Variants in TNIP3 observed in about 807,000 individuals in gnomAD.
TNIP3 encodes the protein TNFAIP3 interacting protein 3, also known as TNFAIP3-interacting protein 3.
Under a neutral mutation model 54.1 loss-of-function variants are expected in TNIP3, and 34 were observed. The ratio of observed to expected loss-of-function variants is 0.63; its 90% CI spans 0.48 to 0.84. TNIP3 has a LOEUF of 0.84. Among genes scored for constraint, TNIP3 ranks in the 40% least tolerant of loss-of-function variants. The pLI is 0.00. For synonymous variants in TNIP3, 134 were observed against 136.8 expected (o/e 0.98, Z 0.14); for missense variants, 366 against 387.6 (o/e 0.94, Z 0.47).
chr4:121,222,461 A>G (rs1307262740), intron 1 of TNIP3, among the ~76,000 whole-genome samples: 1 of 152,170 alleles, frequency 6.6e-6, no homozygotes, highest in Non-Finnish European at 1.5e-5. Context: ...TGGGCATATT[A>G]TTTAAATACT....
At chr4:121,203,100 C>T (rs575708466) in intron 2 of TNIP3, among the ~76,000 whole-genome samples, 2 of 152,032 alleles carry the variant, frequency 1.3e-5, no homozygotes, top group Non-Finnish European at 2.9e-5. Flanking sequence ...GAAAGGAAGT[C>T]ATCATATGAA....
intron 1 of TNIP3, among the ~76,000 whole-genome samples, chr4:121,221,750 G>A (rs1727033385): frequency 6.6e-6 from 1 of 151,572 alleles, no homozygotes; most frequent in Non-Finnish European, 1.5e-5. Flanking sequence ...ACCCAACAGA[G>A]CTGTAACTAT....
At chr4:121,190,863 A>G (rs1579467191) in intron 2 of TNIP3, among the ~76,000 whole-genome samples, 1 of 152,222 alleles carries the variant, frequency 6.6e-6, no homozygotes, top group African/African-American at 2.4e-5. Flanking sequence ...TAAGCCTGGA[A>G]GACCAAGTTA....
At chr4:121,161,296 T>C in intron 1 of TNIP3, 80 bp from the exon 2 acceptor site, 3 of 1,270,056 alleles carry the variant, frequency 2.4e-6, no homozygotes, top group Non-Finnish European at 3.2e-6. Flanking sequence ...AGAAACCCCA[T>C]GCATTTGGCC....
chr4:121,201,838 C>T (rs1008810604), intron 2 of TNIP3, among the ~76,000 whole-genome samples: 1 of 152,112 alleles, frequency 6.6e-6, no homozygotes, highest in East Asian at 1.9e-4. Flanking sequence ...GCCTAAACTC[C>T]AACATTGAAA....
intron 2 of TNIP3, among the ~76,000 whole-genome samples, chr4:121,202,693 A>G (rs1189407168): frequency 6.6e-6 from 1 of 152,178 alleles, no homozygotes; most frequent in Admixed American, 6.6e-5. Context: ...ACACAAGACT[A>G]ATATCCAGAA....
At chr4:121,182,779 A>G in exon 3 of TNIP3, 1 of 1,534,144 alleles carries the variant, frequency 6.5e-7, no homozygotes, top group Non-Finnish European at 8.7e-7. Flanking sequence ...TTTTTTGTCC[A>G]GCTCCATGCT....
intron 2 of TNIP3, among the ~76,000 whole-genome samples, chr4:121,206,667 C>A (rs970991541): frequency 6.6e-6 from 1 of 152,086 alleles, no homozygotes; most frequent in Admixed American, 6.6e-5. Flanking sequence ...CCACCTCAGC[C>A]TCCTGAGTAA....
chr4:121,154,372 T>G (rs1729950323), intron 5 of TNIP3, 179 bp downstream of exon 5: 2 of 745,186 alleles, frequency 2.7e-6, no homozygotes, highest in Non-Finnish European at 4.3e-6. Flanking sequence ...AAAGCCTCCT[T>G]AGCCAAGTAT....
chr4:121,216,934 C>T (rs1726820747), upstream of TNIP3, among the ~76,000 whole-genome samples: 1 of 152,120 alleles, frequency 6.6e-6, no homozygotes, highest in African/African-American at 2.4e-5. Context: ...AGGAAGACCG[C>T]TCATGCCAGC....
chr4:121,138,128 G>C (rs972846224), intron 10 of TNIP3: 2 of 371,708 alleles, frequency 5.4e-6, no homozygotes, highest in African/African-American at 4.2e-5. Flanking sequence ...ACTTTGAGGT[G>C]GGCGTTGTGG....
intron 2 of TNIP3, among the ~76,000 whole-genome samples, chr4:121,199,841 G>A (rs549796369): frequency 2.0e-5 from 3 of 152,290 alleles, no homozygotes; most frequent in Admixed American, 6.5e-5. Context: ...ACCTGAGGAC[G>A]GTTGTGTAGG....
At chr4:121,215,906 A>G (rs79035319) in intron 2 of TNIP3, among the ~76,000 whole-genome samples, 3,264 of 151,858 alleles carry the variant, frequency 0.021, 73 homozygotes, top group Admixed American at 0.035. Flanking sequence ...GAAATAACTG[A>G]ACCAACGAAT....
chr4:121,185,234 G>T (rs886159986), intron 2 of TNIP3, among the ~76,000 whole-genome samples: 1 of 152,070 alleles, frequency 6.6e-6, no homozygotes, highest in South Asian at 2.1e-4. Flanking sequence ...AGACACGTTT[G>T]CATCGTCAAA....
chr4:121,134,119 C>T (rs1234256947), intron 10 of TNIP3, among the ~76,000 whole-genome samples: 1 of 152,166 alleles, frequency 6.6e-6, no homozygotes, highest in East Asian at 1.9e-4. Context: ...AAAAGCTAAT[C>T]ATAATATTTA....
intron 2 of TNIP3, among the ~76,000 whole-genome samples, chr4:121,214,317 G>A (rs1726662798): frequency 1.3e-5 from 2 of 152,166 alleles, no homozygotes; most frequent in Admixed American, 1.3e-4. Flanking sequence ...TACTATTAAA[G>A]AACCTAACCC....
At chr4:121,200,408 T>C (rs568618672) in intron 2 of TNIP3, among the ~76,000 whole-genome samples, 2 of 152,304 alleles carry the variant, frequency 1.3e-5, no homozygotes, top group African/African-American at 4.8e-5. Flanking sequence ...AAACTGTACC[T>C]AGTTAGAACT....
chr4:121,178,226 T>A (rs910841158), intron 3 of TNIP3, among the ~76,000 whole-genome samples: 1 of 152,212 alleles, frequency 6.6e-6, no homozygotes, highest in African/African-American at 2.4e-5. Flanking sequence ...GAGAAAATTG[T>A]TTAGCTGCAT....
intron 7 of TNIP3, among the ~76,000 whole-genome samples, chr4:121,145,695 T>G (rs573929452): frequency 6.6e-5 from 10 of 151,232 alleles, no homozygotes; most frequent in African/African-American, 2.4e-4. Flanking sequence ...TTACTTGCTG[T>G]TTTACTGGCA....
Sources: gnomAD v4.1 joint callset for allele counts (sites outside exome capture counted in the v4.1 genomes callset) on GRCh38, gnomAD v4.1.1 for gene constraint, MANE v1.5 for transcripts, NCBI Gene and HGNC (gene_info 2026-07-23, HGNC 2026-07-21) for gene names.